EVC: variants seen among roughly 807,000 people sequenced by gnomAD.
EVC encodes evC complex member EVC.
In EVC, 116 loss-of-function variants were observed where a neutral mutation model predicts 118.9. The ratio of observed to expected loss-of-function variants is 0.98; its 90% CI spans 0.84 to 1.14. The LOEUF is 1.14. Ranked by LOEUF, EVC falls within the 50% of genes most tolerant of loss-of-function variation. The probability of loss-of-function intolerance (pLI) is 0.00; values close to 1 mark genes in which losing one functional copy is unlikely to be tolerated. For missense variants in EVC, 1,401 were observed against 1,246.4 expected (o/e 1.12, Z -1.87); for synonymous variants, 619 against 534.7 (o/e 1.16, Z -2.18).
chr4:5,777,001 C>G (rs1734806921), intron 11 of EVC, among the ~76,000 whole-genome samples: 1 of 152,136 alleles, frequency 6.6e-6, no homozygotes, highest in African/African-American at 2.4e-5. Context: ...TAATTACTCT[C>G]TGAAGTACCT....
At chr4:5,739,676 T>G (rs1728223191) in intron 5 of EVC, among the ~76,000 whole-genome samples, 1 of 152,164 alleles carries the variant, frequency 6.6e-6, no homozygotes, top group African/African-American at 2.4e-5. Context: ...ACCGCAGAAC[T>G]GAGTAGTTGC....
At chr4:5,784,207 G>C (rs867740651) in intron 12 of EVC, among the ~76,000 whole-genome samples, 3 of 152,160 alleles carry the variant, frequency 2.0e-5, no homozygotes, top group Admixed American at 1.3e-4. Context: ...TTCCCTTACA[G>C]GGCAAAAGGC....
chr4:5,810,010 C>A (rs1189314249), intron 19 of EVC, among the ~76,000 whole-genome samples: 1 of 152,214 alleles, frequency 6.6e-6, no homozygotes, highest in African/African-American at 2.4e-5. Context: ...CAAAAGCTGT[C>A]ACACTGGTGC....
intron 1 of EVC, among the ~76,000 whole-genome samples, chr4:5,718,052 A>T (rs1724275945): frequency 6.6e-6 from 1 of 152,204 alleles, no homozygotes; most frequent in Non-Finnish European, 1.5e-5. Context: ...TAGTGCAAAG[A>T]TTATATTCAT....
rs1418066899 is a variant in EVC at position 5,743,893 on chromosome 4, T to C, written c.802-1311T>C. Among the ~76,000 whole-genome samples, 2 of 152,176 alleles carry C rather than the reference T, an allele frequency of 1.3e-5. No homozygotes were observed. Among genetic ancestry groups the C allele is most frequent in the Non-Finnish European group, 2.9e-5 (2 of 68,034 alleles). ...GACTTTCCAATGGCAAAAATGATAA[T>C]GATGATGATGACATTTATAATGGTA... On this transcript the variant is annotated intron_variant, in intron 6 of 20. Transcript: ENST00000264956. The surrounding 1 kb of genome is among the most constrained non-coding windows in gnomAD (Gnocchi z 4.7).
intron 5 of EVC, among the ~76,000 whole-genome samples, chr4:5,740,730 C>G (rs1412837955): frequency 1.3e-5 from 2 of 152,114 alleles, no homozygotes; most frequent in Non-Finnish European, 2.9e-5. Flanking sequence ...AAGGAAATTT[C>G]CAAACTCAGC....
intron 11 of EVC, among the ~76,000 whole-genome samples, chr4:5,770,867 G>T (rs1388112765): frequency 6.6e-6 from 1 of 151,974 alleles, no homozygotes; most frequent in East Asian, 1.9e-4. Flanking sequence ...ACACAAATTA[G>T]CCAGGTGTCG....
In EVC at chr4:5,737,655, C is replaced by A. The variant is rs1281189757; in HGVS notation, c.703-4061C>A. Among the ~76,000 whole-genome samples the A allele has an allele frequency of 6.6e-6, 1 of 152,188 alleles. No homozygotes were observed. Among genetic ancestry groups the A allele is most frequent in the Non-Finnish European group, 1.5e-5 (1 of 68,034 alleles). ...CTCTGCCTGTGCTCTATAAGTGGAA[C>A]AACAAAGCCTGGATCACAACACAGC... On this transcript the variant is annotated intron_variant, in intron 5 of 20. Coordinates refer to ENST00000264956, the MANE Select transcript of EVC (RefSeq NM_153717.3). The surrounding 1 kb of genome is among the most constrained non-coding windows in gnomAD (Gnocchi z 5.0).
chr4:5,760,483 A>G (rs1026387829), intron 11 of EVC, among the ~76,000 whole-genome samples: 6 of 152,102 alleles, frequency 3.9e-5, no homozygotes, highest in African/African-American at 1.5e-4. Flanking sequence ...AATGTACTGC[A>G]TAAGAAGGTG....
intron 6 of EVC, among the ~76,000 whole-genome samples, chr4:5,744,862 A>G (rs1008404160): frequency 1.3e-5 from 2 of 152,156 alleles, no homozygotes; most frequent in Non-Finnish European, 2.9e-5. Context: ...AAACCAGAAG[A>G]GGAGCAAAGA....
intron 11 of EVC, among the ~76,000 whole-genome samples, chr4:5,758,817 C>T (rs12513194): frequency 0.17 from 25,237 of 152,204 alleles, 2,222 homozygotes; most frequent in Admixed American, 0.23. Context: ...TGTGAAACCT[C>T]GCTTCTTGTG....
In EVC at chr4:5,804,722, T is replaced by C. The variant is rs1715583083; in HGVS notation, c.2450-8T>C. 6 of 1,613,222 alleles carry C rather than the reference T, an allele frequency of 3.7e-6. No homozygotes were observed. Among genetic ancestry groups the C allele is most frequent in the Non-Finnish European group, 5.1e-6 (6 of 1,179,210 alleles). ...GACCCCTTGATTGTCCTGTGTTAAA[T>C]GGTCTAGGTGAGAGGATGGAAAATT... On this transcript the variant is annotated splice_region_variant and splice_polypyrimidine_tract_variant and intron_variant, in intron 16 of 20. Transcript: ENST00000264956.
At chr4:5,790,982 C>G (rs549892776) in intron 12 of EVC, among the ~76,000 whole-genome samples, 4 of 152,128 alleles carry the variant, frequency 2.6e-5, no homozygotes, top group African/African-American at 9.6e-5. Flanking sequence ...GTAATCCCAG[C>G]TACTCCAGAG....
Position 5,754,001 on chromosome 4 carries a change from A to G in EVC, c.1464+68A>G. 1.3e-6 allele frequency: 2 copies of G among 1,596,550 alleles called. No homozygotes were observed. Among genetic ancestry groups the G allele is most frequent in the Non-Finnish European group, 1.7e-6 (2 of 1,166,682 alleles). ...TGTAGCTCTGTTCCCGTGACTGAGC[A>G]CGGGACGCCGGAGGTATTCATCAGG... is the stretch of plus-strand genomic sequence containing the variant. On this transcript the variant is annotated intron_variant, in intron 10 of 20. Transcript: ENST00000264956. The surrounding 1 kb of genome is among the most constrained non-coding windows in gnomAD (Gnocchi z 5.8).
rs537065437 is a variant in EVC at position 5,791,099 on chromosome 4, A to G, written c.1777-2509A>G. Among the ~76,000 whole-genome samples the G allele has an allele frequency of 2.6e-5, 4 of 152,356 alleles. No individual in the cohort carries two copies. The South Asian group carries it at 8.3e-4, about 32-fold the overall frequency. ...CAACAGAGCAAGACTCCATCTCAAA[A>G]AGAAAAAAAGAAAATTATAGTAATG... On this transcript the variant is annotated intron_variant, in intron 12 of 20. Coordinates refer to ENST00000264956, the MANE Select transcript of EVC (RefSeq NM_153717.3).
chr4:5,771,708 C>T (rs570266396), intron 11 of EVC, among the ~76,000 whole-genome samples: 3 of 152,290 alleles, frequency 2.0e-5, no homozygotes, highest in South Asian at 2.1e-4. Flanking sequence ...CCACAGACCT[C>T]CCCGTCGCCG....
At chr4:5,729,897 A>C (rs1390511826) in intron 3 of EVC, among the ~76,000 whole-genome samples, 2 of 152,246 alleles carry the variant, frequency 1.3e-5, no homozygotes, top group Non-Finnish European at 2.9e-5. Flanking sequence ...GTCACGTGAC[A>C]GGAAGTGGCA....
chr4:5,794,047 A>G (rs962338912), intron 13 of EVC, among the ~76,000 whole-genome samples: 4 of 151,840 alleles, frequency 2.6e-5, no homozygotes, highest in African/African-American at 4.8e-5. Context: ...GAACATTTCT[A>G]TCACCCCAAA....
chr4:5,712,459 C>A (rs768077965), intron 1 of EVC, among the ~76,000 whole-genome samples: 1 of 152,200 alleles, frequency 6.6e-6, no homozygotes, highest in Non-Finnish European at 1.5e-5. Flanking sequence ...TGCATGGCAA[C>A]ACCTGGCATA....
Sources: allele counts gnomAD v4.1 joint callset (sites outside exome capture counted in the v4.1 genomes callset), GRCh38; gene constraint gnomAD v4.1.1; non-coding constraint Gnocchi (gnomAD v3.1); transcripts MANE v1.5; gene names NCBI Gene and HGNC (gene_info 2026-07-23, HGNC 2026-07-21).